MYT1: variants seen among roughly 807,000 people sequenced by gnomAD.
The protein encoded by MYT1 is myelin transcription factor I.
Under a neutral mutation model 123.0 loss-of-function variants are expected in MYT1, and 23 were observed. That is an observed-to-expected ratio of 0.19 (90% CI 0.13 to 0.26). The LOEUF (loss-of-function observed/expected upper bound fraction) is 0.26. MYT1 is among the 10% of genes least tolerant of loss of function. The pLI is 1.00. For missense variants in MYT1, 1,125 were observed against 1,472.5 expected (o/e 0.76, Z 3.86); for synonymous variants, 518 against 575.3 (o/e 0.90, Z 1.43).
At chr20:64,222,477 A>G (rs2145725800) in intron 14 of MYT1, among the ~76,000 whole-genome samples, 1 of 152,228 alleles carries the variant, frequency 6.6e-6, no homozygotes, top group East Asian at 1.9e-4. Context: ...CACCACCCTC[A>G]ACTCTGTCAG....
Position 64,185,289 on chromosome 20 carries a change from G to A in MYT1, c.-98-4774G>A, listed in dbSNP as rs1041524889. Among the ~76,000 whole-genome samples the A allele has an allele frequency of 6.6e-6, 1 of 152,168 alleles. No individual in the cohort carries two copies. The highest frequency in any genetic ancestry group is 2.4e-5 in the African/African-American group (1 of 41,436). ...CAGATGGACAAGCTGGCTCAGCAGG[G>A]AGGCAAGACCCCATCTCCTGTGCTG... On this transcript the variant is annotated intron_variant, in intron 1 of 22. Coordinates refer to ENST00000328439, the MANE Select transcript of MYT1 (RefSeq NM_004535.3). This position sits in a 1 kb window ranked among gnomAD's most constrained non-coding sequence, Gnocchi z 4.5.
At chr20:64,194,200 A>G (rs1983041607) in intron 2 of MYT1, among the ~76,000 whole-genome samples, 2 of 152,218 alleles carry the variant, frequency 1.3e-5, no homozygotes, top group Admixed American at 6.5e-5. Context: ...TCAGATTGAG[A>G]TGAGGACTGT....
In MYT1 at chr20:64,196,191, T is replaced by G. The variant is rs181077198; in HGVS notation, c.1-2671T>G. On this transcript the variant is annotated intron_variant, in intron 2 of 22. Coordinates refer to ENST00000328439, the MANE Select transcript of MYT1 (RefSeq NM_004535.3). The surrounding 1 kb of genome is among the most constrained non-coding windows in gnomAD (Gnocchi z 4.3). The stretch of plus-strand genomic sequence containing the variant: ...TGTGTTTTAAAAATCAATGAAAAAT[T>G]GAGAAGTGTTTAATTTTCTTTGCAT... 2.6e-4 allele frequency among the ~76,000 whole-genome samples: 40 copies of G among 152,160 alleles called. No individual in the cohort carries two copies. Among genetic ancestry groups the G allele is most frequent in the Non-Finnish European group, 5.3e-4 (36 of 67,990 alleles).
At position 64,208,462 on chromosome 20, in the gene MYT1, T is replaced by C. The variant is rs1180876155; in HGVS notation, c.1266T>C (p.Thr422=). 3 of 1,608,816 alleles carry C rather than the reference T, an allele frequency of 1.9e-6. No homozygotes were observed. The highest frequency in any genetic ancestry group is 2.7e-5 in the African/African-American group (2 of 74,952). The change falls in exon 7 of 23, where the codon ACT becomes ACC. Residue 422 remains threonine, a synonymous_variant. Transcript: ENST00000328439. The surrounding 1 kb of genome is among the most constrained non-coding windows in gnomAD (Gnocchi z 5.4). The part of the protein sequence containing the change: ...EPGKAAKPLD[T]VRKSYYSKDP... ...GGAAGGCAGCAAAGCCCCTGGACAC[T>C]GTGCGGAAGAGTTACTACAGTAAAG... is the stretch of plus-strand genomic sequence containing the variant.
chr20:64,187,875 G>C (rs1319519742), intron 1 of MYT1, among the ~76,000 whole-genome samples: 1 of 152,242 alleles, frequency 6.6e-6, no homozygotes, highest in East Asian at 1.9e-4. Context: ...CCAGGGGTAT[G>C]GTGCACAGGT....
In MYT1 at chr20:64,211,234, C is replaced by G; in HGVS notation, c.1320C>G (p.Ile440Met). The G allele has an allele frequency of 3.1e-6, 5 of 1,613,860 alleles. No individual in the cohort carries two copies. The highest frequency in any genetic ancestry group is 4.2e-6 in the Non-Finnish European group (5 of 1,179,800). ...KDPSRAEKRE[I>M]KCPTPGCDGT... ...CTTCAAGAGCTGAGAAGCGTGAGAT[C>G]AAGTGTCCAACACCAGGCTGTGATG... Residue 440 changes from isoleucine to methionine, a missense_variant, in exon 8 of 23, where the codon ATC becomes ATG. Ile to Met is a conservative substitution (Grantham distance 10). Transcript: ENST00000328439.
chr20:64,202,017 TC>T lies in MYT1; in HGVS notation c.86+2096del, dbSNP rs36128610. 5.9e-3 allele frequency among the ~76,000 whole-genome samples: 103 copies of T among 17,352 alleles called. No individual in the cohort carries two copies. Among genetic ancestry groups the T allele is most frequent in the African/African-American group, 7.1e-3 (39 of 5,464 alleles). 11.4% of individuals were successfully genotyped at this position (17,352 alleles called of 152,430 possible). On this transcript the variant is annotated intron_variant, in intron 4 of 22. Transcript: ENST00000328439. The surrounding 1 kb of genome is among the most constrained non-coding windows in gnomAD (Gnocchi z 5.0). ...GGAACCCCCGCGTGTCGGGAACCCCTCGCGTGTCGGGAACCCCCGCGTGTCG... is the reference window on the plus strand; with the variant it reads ...GGAACCCCCGCGTGTCGGGAACCCCTGCGTGTCGGGAACCCCCGCGTGTCG...
intron 21 of MYT1, among the ~76,000 whole-genome samples, chr20:64,238,873 A>C (rs1984631526): frequency 6.6e-6 from 1 of 152,170 alleles, no homozygotes; most frequent in Non-Finnish European, 1.5e-5. Context: ...CATCTGAGGG[A>C]GTTTGGTGAC....
intron 21 of MYT1, among the ~76,000 whole-genome samples, chr20:64,238,885 G>T (rs1984631944): frequency 6.6e-6 from 1 of 152,210 alleles, no homozygotes; most frequent in Non-Finnish European, 1.5e-5. Context: ...TTTGGTGACT[G>T]GTGCCCTCTG....
At chr20:64,234,830 C>G (rs1399909282) in intron 19 of MYT1, among the ~76,000 whole-genome samples, 2 of 129,320 alleles carry the variant, frequency 1.5e-5, no homozygotes, top group East Asian at 5.2e-4. Context: ...TGACCCCGAG[C>G]TGGCTGTGGT....
intron 20 of MYT1, 25 bp downstream of exon 20, chr20:64,236,671 C>G (rs746647840): frequency 6.3e-7 from 1 of 1,593,672 alleles, no homozygotes; most frequent in Non-Finnish European, 8.6e-7. Context: ...CTGGATTTCC[C>G]TGCTCATGGC....
chr20:64,178,790 G>A (rs1251593307), intron 1 of MYT1, among the ~76,000 whole-genome samples: 1 of 136,610 alleles, frequency 7.3e-6, no homozygotes, highest in African/African-American at 2.9e-5. Context: ...GCCCTTCAAC[G>A]TGGGAGCACT....
At chr20:64,172,698 A>G (rs1982321784) in intron 1 of MYT1, among the ~76,000 whole-genome samples, 1 of 150,834 alleles carries the variant, frequency 6.6e-6, no homozygotes, top group South Asian at 2.1e-4. Flanking sequence ...ATCCATGGGG[A>G]AGACGCCCCC....
intron 1 of MYT1, among the ~76,000 whole-genome samples, chr20:64,180,464 T>C (rs1357657583): frequency 2.0e-5 from 3 of 152,194 alleles, no homozygotes; most frequent in African/African-American, 7.2e-5. Context: ...ACCAGCACCC[T>C]CCTTACTCCA....
intron 11 of MYT1, 84 bp downstream of exon 11, chr20:64,217,365 C>G: frequency 6.9e-7 from 1 of 1,442,612 alleles, no homozygotes; most frequent in African/African-American, 1.4e-5. Flanking sequence ...AGGAGGGACC[C>G]TCTCGAGGAG....
chr20:64,170,988 C>G (rs945480877), intron 1 of MYT1, among the ~76,000 whole-genome samples: 5 of 148,382 alleles, frequency 3.4e-5, no homozygotes, highest in Non-Finnish European at 6.0e-5. Context: ...TTCTTGGCTG[C>G]AACCTCCGCC....
intron 17 of MYT1, 28 bp downstream of exon 17, chr20:64,227,505 G>A: frequency 1.9e-6 from 3 of 1,604,874 alleles, no homozygotes; most frequent in Non-Finnish European, 2.6e-6. Flanking sequence ...TCAGGTCCTG[G>A]GCCCCAGGGG....
In MYT1 at chr20:64,236,212, C is replaced by CTGGCTGTGGTGGGTGACCCTGGGA. The variant is rs1334363218; in HGVS notation, c.2898-314_2898-291dup. ...GATGGCCGTGGTGGGTGACCCTGGG[C>CTGGCTGTGGTGGGTGACCCTGGGA]TGGCTGTGGTGGGTGACCCTGGGAT... On this transcript the variant is annotated intron_variant, in intron 19 of 22. Transcript: ENST00000328439. Among the ~76,000 whole-genome samples the CTGGCTGTGGTGGGTGACCCTGGGA allele has an allele frequency of 5.9e-3, 580 of 98,618 alleles. 60 individuals are homozygous for CTGGCTGTGGTGGGTGACCCTGGGA. The highest frequency in any genetic ancestry group is 9.3e-3 in the Non-Finnish European group (445 of 47,958). The allele number at this position is 98,618 out of a possible 152,430, so 64.7% of individuals were successfully genotyped here.
chr20:64,195,354 C>CTGTGTGTGTGTGTGTG (rs5741790), intron 2 of MYT1, among the ~76,000 whole-genome samples: 1 of 98,836 alleles, frequency 1.0e-5, no homozygotes. Context: ...ATGGTGAGAA[C>CTGTGTGTGTGTGTGTG]TGTGTGTGTG....
Sources: allele counts gnomAD v4.1 joint callset (sites outside exome capture counted in the v4.1 genomes callset), GRCh38; gene constraint gnomAD v4.1.1; non-coding constraint Gnocchi (gnomAD v3.1); transcripts MANE v1.5; gene names NCBI Gene and HGNC (gene_info 2026-07-23, HGNC 2026-07-21).